CASQ1: variants seen among roughly 807,000 people sequenced by gnomAD.
CASQ1 encodes the protein calsequestrin 1, also known as calsequestrin-1.
A neutral mutation model predicts 49.5 loss-of-function variants in CASQ1; 40 were observed. The observed-to-expected ratio is 0.81, with a 90% CI of 0.63 to 1.05. CASQ1 has a LOEUF of 1.05. Among genes scored for constraint, CASQ1 ranks in the 50% least tolerant of loss-of-function variants. The probability of loss-of-function intolerance (pLI) is 0.00; values close to 1 mark genes in which losing one functional copy is unlikely to be tolerated. For synonymous variants in CASQ1, 174 were observed against 187.2 expected, an observed-to-expected ratio of 0.93 and a Z score of 0.58; for missense variants, 469 against 486.9, an observed-to-expected ratio of 0.96 and a Z score of 0.35.
chr1:160,199,986 C>G (rs920282509), intron 10 of CASQ1, 61 bp downstream of exon 10: 6 of 1,090,370 alleles, frequency 5.5e-6, no homozygotes, highest in African/African-American at 4.6e-5. Flanking sequence ...ATAGCTAGCT[C>G]TCCTCCTCTC....
chr1:160,195,686 T>A, intron 5 of CASQ1, 152 bp downstream of exon 5: 2 of 806,400 alleles, frequency 2.5e-6, no homozygotes, highest in Non-Finnish European at 4.0e-6. Flanking sequence ...TCCATAGATT[T>A]AGAGCTGAAG....
At position 160,197,557 on chromosome 1, in the gene CASQ1, T is replaced by C. The variant is rs1654271228; in HGVS notation, c.783-12T>C. The stretch of plus-strand genomic sequence containing the variant: ...ACCCACTGAGTAATGACACTCTGTC[T>C]GTCTCTTCTAGATCAACCCTGAGGA... On this transcript the variant is annotated splice_polypyrimidine_tract_variant and intron_variant, in intron 6 of 10. Transcript: ENST00000368078. The C allele has an allele frequency of 1.2e-6, 2 of 1,604,066 alleles. No homozygotes were observed. Among genetic ancestry groups the C allele is most frequent in the African/African-American group, 1.3e-5 (1 of 74,754 alleles).
intron 6 of CASQ1, 126 bp from the exon 7 acceptor site, chr1:160,197,443 C>G: frequency 1.4e-6 from 1 of 728,246 alleles, no homozygotes. Flanking sequence ...TGCCAGATGG[C>G]TTTGTTGTAG....
In CASQ1 at chr1:160,192,811, C is replaced by T; in HGVS notation, c.289C>T (p.Gln97Ter). Residue 97 changes from glutamine (Q) to a stop codon, truncating the protein, a stop_gained, in exon 2 of 11, where the codon CAA becomes TAA. Transcript: ENST00000368078. LOFTEE classifies it high-confidence loss of function. Reference sequence around the variant, plus strand: ...TAATCCTTCCCTCCAGTTAGCAGCCCAAGTCCTAGAAGACAAGGGTGTTGG... The same window carrying T: ...TAATCCTTCCCTCCAGTTAGCAGCCTAAGTCCTAGAAGACAAGGGTGTTGG... ...MEELILELAA[Q>*]VLEDKGVGFG... 6.2e-7 allele frequency: 1 copy of T among 1,613,772 alleles called. No individual in the cohort carries two copies. The highest frequency in any genetic ancestry group is 8.5e-7 in the Non-Finnish European group (1 of 1,179,794).
intron 1 of CASQ1, among the ~76,000 whole-genome samples, chr1:160,191,348 T>C (rs1020466215): frequency 6.6e-6 from 1 of 151,798 alleles, no homozygotes; most frequent in African/African-American, 2.4e-5. Flanking sequence ...AAAAGGGAGG[T>C]ACTTGGAGGG....
intron 7 of CASQ1, 76 bp from the exon 8 acceptor site, chr1:160,198,601 G>A: frequency 9.4e-7 from 1 of 1,063,548 alleles, no homozygotes; most frequent in Non-Finnish European, 1.5e-6. Flanking sequence ...TCTAGGATCT[G>A]TTCTGGGCTC....
At chr1:160,193,038 G>C in intron 2 of CASQ1, 152 bp downstream of exon 2, 1 of 645,418 alleles carries the variant, frequency 1.5e-6, no homozygotes, top group South Asian at 1.8e-5. Context: ...GAAAATATGA[G>C]GTTGGGAGGG....
chr1:160,198,653 G>C (rs1654299390), intron 7 of CASQ1, 24 bp from the exon 8 acceptor site: 1 of 1,602,610 alleles, frequency 6.2e-7, no homozygotes, highest in African/African-American at 1.3e-5. Flanking sequence ...CCAAAACCCT[G>C]TTCTCCTTCT....
Position 160,195,024 on chromosome 1 carries a change from C to T in CASQ1, c.478C>T (p.Pro160Ser). ...VEFLLDVLED[P>S]VELIEGEREL... ...CCTCCTCTTTCAGGTCCTAGAGGACCCTGTGGAATTGATTGAAGGTGAACG... is the reference window on the plus strand; with the variant it reads ...CCTCCTCTTTCAGGTCCTAGAGGACTCTGTGGAATTGATTGAAGGTGAACG... The change falls in exon 4 of 11, where the codon CCT (proline) becomes TCT (serine). Residue 160 changes from proline to serine, a missense_variant. Pro to Ser is a moderately conservative substitution (Grantham distance 74). Coordinates refer to ENST00000368078, the MANE Select transcript of CASQ1 (RefSeq NM_001231.5). 1 of 1,607,962 alleles carries T rather than the reference C, an allele frequency of 6.2e-7. No homozygotes were observed. Among genetic ancestry groups the T allele is most frequent in the East Asian group, 2.2e-5 (1 of 44,814 alleles).
chr1:160,192,188 G>A (rs1158913059), intron 1 of CASQ1, among the ~76,000 whole-genome samples: 2 of 151,600 alleles, frequency 1.3e-5, no homozygotes, highest in African/African-American at 4.9e-5. Context: ...AGTGCGAAAG[G>A]GGAAAGTTGG....
chr1:160,199,058 G>A lies in CASQ1; in HGVS notation c.984+5G>A. 1 of 1,536,816 alleles carries A rather than the reference G, an allele frequency of 6.5e-7. No individual in the cohort carries two copies. The highest frequency in any genetic ancestry group is 1.1e-5 in the South Asian group (1 of 89,524). On this transcript the variant is annotated splice_donor_5th_base_variant and intron_variant, in intron 9 of 10. Coordinates refer to ENST00000368078, the MANE Select transcript of CASQ1 (RefSeq NM_001231.5). Reference sequence around the variant, plus strand: ...GACCCTGATGACTTCCCCCTGGTAAGAGGCACAGCTCAGGCACTGCTATCT... The same window carrying A: ...GACCCTGATGACTTCCCCCTGGTAAAAGGCACAGCTCAGGCACTGCTATCT...
intron 1 of CASQ1, among the ~76,000 whole-genome samples, chr1:160,192,454 G>A (rs1345251388): frequency 6.6e-6 from 1 of 152,208 alleles, no homozygotes. Flanking sequence ...GACTTGAGCA[G>A]GATGGAATGC....
At chr1:160,197,505 G>A in intron 6 of CASQ1, 64 bp from the exon 7 acceptor site, 1 of 1,191,986 alleles carries the variant, frequency 8.4e-7, no homozygotes, top group South Asian at 1.2e-5. Flanking sequence ...CTTTGCTACA[G>A]GACCCTCTGG....
intron 3 of CASQ1, among the ~76,000 whole-genome samples, chr1:160,194,458 A>AC (rs543279012): frequency 1.8e-4 from 2 of 11,026 alleles, no homozygotes; most frequent in South Asian, 0.027. Flanking sequence ...CACCACACAC[A>AC]CCCATCCATA....
chr1:160,198,838 C>T lies in CASQ1; in HGVS notation c.883+107C>T, dbSNP rs1470014287. 32 of 1,233,890 alleles carry T rather than the reference C, an allele frequency of 2.6e-5. No homozygotes were observed. The Admixed American group carries it at 5.1e-4, about 20-fold the overall frequency. The allele number at this position is 1,233,890 out of a possible 1,614,324, so 76.4% of individuals were successfully genotyped here. A position where few individuals can be genotyped will look rare whatever the true frequency, so the allele number is the denominator to read the frequency against. On this transcript the variant is annotated intron_variant, in intron 8 of 10. Coordinates refer to ENST00000368078, the MANE Select transcript of CASQ1 (RefSeq NM_001231.5). ...GGCTTTCCTGGGAGTTTGCAAACAG[C>T]CTAGGGCTAGACATGTGAAGCTTGG...
chr1:160,196,058 G>A (rs759305545), intron 6 of CASQ1, 31 bp downstream of exon 6: 2 of 1,610,718 alleles, frequency 1.2e-6, no homozygotes, highest in South Asian at 1.1e-5. Flanking sequence ...TCTCAGCGGG[G>A]TCGGCTCCTC....
In CASQ1 at chr1:160,196,066, C is replaced by G. The variant is rs756034197; in HGVS notation, c.782+39C>G. On this transcript the variant is annotated intron_variant, in intron 6 of 10. Coordinates refer to ENST00000368078, the MANE Select transcript of CASQ1 (RefSeq NM_001231.5). The stretch of plus-strand genomic sequence containing the variant: ...GCAACCCTCTCAGCGGGGTCGGCTC[C>G]TCCTTGGGCTAGAACACACTGTGTG... 4 of 1,606,240 alleles carry G rather than the reference C, an allele frequency of 2.5e-6. No individual in the cohort carries two copies. In the African/African-American group the frequency reaches 4.0e-5, roughly 16 times the overall value.
In CASQ1 at chr1:160,201,228, C is replaced by A. The variant is rs41265775; in HGVS notation, c.1060-17C>A. ...GGGTTGGACTTAGCTTCCGTCCCTG[C>A]CTGTGCCATCTCCTAGGCGGATAGC... On this transcript the variant is annotated splice_polypyrimidine_tract_variant and intron_variant, in intron 10 of 10. Transcript: ENST00000368078. The A allele has an allele frequency of 1.3e-3, 2,051 of 1,610,386 alleles. 4 individuals are homozygous for A. The highest frequency in any genetic ancestry group is 1.5e-3 in the Non-Finnish European group (1,772 of 1,178,588).
intron 7 of CASQ1, 135 bp from the exon 8 acceptor site, chr1:160,198,542 A>G: frequency 3.0e-6 from 2 of 661,344 alleles, no homozygotes; most frequent in Non-Finnish European, 2.7e-6. Flanking sequence ...ACGAAAGAAT[A>G]TATCTGGTCC....
Sources: gnomAD v4.1 joint callset for allele counts (sites outside exome capture counted in the v4.1 genomes callset) on GRCh38, gnomAD v4.1.1 for gene constraint, MANE v1.5 for transcripts, NCBI Gene and HGNC (gene_info 2026-07-23, HGNC 2026-07-21) for gene names.